Variants in SAMD5 observed in about 807,000 individuals in gnomAD.
SAMD5 encodes sterile alpha motif domain-containing protein 5.
A neutral mutation model predicts 11.3 loss-of-function variants in SAMD5; 13 were observed. The ratio of observed to expected loss-of-function variants is 1.15; its 90% confidence interval spans 0.75 to 1.83. The LOEUF is 1.83. SAMD5 is among the 40% of genes most tolerant of loss of function. The probability of loss-of-function intolerance (pLI) is 0.00; values close to 1 mark genes in which losing one functional copy is unlikely to be tolerated. For missense variants in SAMD5, 255 were observed against 239.1 expected, an observed-to-expected ratio of 1.07 and a Z score of -0.44; for synonymous variants, 129 against 111.3, an observed-to-expected ratio of 1.16 and a Z score of -1.00.
Position 147,711,792 on chromosome 6 carries a change from C to T in SAMD5, c.163-25525C>T, listed in dbSNP as rs372820648. ...TCCTTACATCATGGAGTGTCATGTG[C>T]GTAAGTACACTTAATTAGATACTCT... On this transcript the variant is annotated intron_variant, in intron 1 of 1. Coordinates refer to the SAMD5 transcript ENST00000566741. The surrounding 1 kb of genome is among the most constrained non-coding windows in gnomAD (Gnocchi z 4.1). Among the ~76,000 whole-genome samples the T allele has an allele frequency of 1.4e-4, 21 of 152,118 alleles. No individual in the cohort carries two copies. The highest frequency in any genetic ancestry group is 2.5e-4 in the Non-Finnish European group (17 of 68,022).
intron 1 of SAMD5, among the ~76,000 whole-genome samples, chr6:147,641,156 ATTC>A (rs748569501): frequency 2.6e-5 from 4 of 152,166 alleles, no homozygotes; most frequent in Non-Finnish European, 5.9e-5. Context: ...CAATCTCTAA[ATTC>A]TTCTTCATAT....
chr6:147,739,799 T>C (rs140374004), downstream of SAMD5, among the ~76,000 whole-genome samples: 504 of 152,214 alleles, frequency 3.3e-3, 2 homozygotes, highest in African/African-American at 0.011. Flanking sequence ...CTTGTTAATT[T>C]TATTTGTATT....
chr6:147,817,333 C>G, the SAMD5 span, among the ~76,000 whole-genome samples: 2 of 152,230 alleles, frequency 1.3e-5, no homozygotes, highest in South Asian at 2.1e-4. Context: ...CAGGCTCAAG[C>G]AAGCTATTTT....
In SAMD5 at chr6:147,563,703, A is replaced by G. The variant is rs372590000; in HGVS notation, c.460-691A>G. On this transcript the variant is annotated intron_variant, in intron 1 of 1. Transcript: ENST00000367474. ...TGTCAACACCTATCAGAGCTTGGAG[A>G]TAATTAGTGTAATATAAACCCAAGA... 9.8e-5 allele frequency among the ~76,000 whole-genome samples: 15 copies of G among 152,346 alleles called. No homozygotes were observed. The South Asian group carries it at 3.1e-3, about 32-fold the overall frequency.
At position 147,596,941 on chromosome 6, in the gene SAMD5, G is replaced by A. The variant is rs546607648; in HGVS notation, c.162+87554G>A. Among the ~76,000 whole-genome samples, 314 of 152,218 alleles carry A rather than the reference G, an allele frequency of 2.1e-3. 1 individual carries two copies. Among genetic ancestry groups the A allele is most frequent in the African/African-American group, 7.1e-3 (295 of 41,530 alleles). ...CAGAGGAAATGGGTTACTTTTGGGG[G>A]CCATGTGCTTTAAGTTTCAGATAAA... On this transcript the variant is annotated intron_variant, in intron 1 of 1. Transcript: ENST00000566741.
chr6:147,942,790 A>C, the SAMD5 span, among the ~76,000 whole-genome samples: 1 of 150,724 alleles, frequency 6.6e-6, no homozygotes, highest in African/African-American at 2.4e-5. Context: ...AACAGGAAAA[A>C]TGTATGTAAT....
chr6:147,683,659 G>T (rs1243113289), intron 1 of SAMD5, among the ~76,000 whole-genome samples: 3 of 152,150 alleles, frequency 2.0e-5, no homozygotes, highest in African/African-American at 7.2e-5. Context: ...GTGAGTGCAT[G>T]GCAGAGAAGC....
At chr6:147,942,041 T>C in the SAMD5 span, among the ~76,000 whole-genome samples, 1 of 151,962 alleles carries the variant, frequency 6.6e-6, no homozygotes, top group Non-Finnish European at 1.5e-5. Context: ...GCCTGGCTAA[T>C]TTTTGTATTT....
chr6:147,780,487 C>T, the SAMD5 span, among the ~76,000 whole-genome samples: 22 of 152,232 alleles, frequency 1.4e-4, no homozygotes, highest in Non-Finnish European at 2.6e-4. Flanking sequence ...GGATTACAGG[C>T]GTGAGCCACT....
At chr6:147,559,063 A>G (rs1007683578) in intron 1 of SAMD5, among the ~76,000 whole-genome samples, 1 of 152,210 alleles carries the variant, frequency 6.6e-6, no homozygotes, top group Non-Finnish European at 1.5e-5. Context: ...TTGAAAGTAC[A>G]GTACAGAATT....
At chr6:147,606,063 A>G (rs527865374) in intron 1 of SAMD5, among the ~76,000 whole-genome samples, 2 of 152,274 alleles carry the variant, frequency 1.3e-5, no homozygotes, top group South Asian at 4.2e-4. Context: ...TTGATCCCAC[A>G]GACAGAATTA....
chr6:147,547,060 C>T (rs1001619176), intron 1 of SAMD5, among the ~76,000 whole-genome samples: 1 of 152,208 alleles, frequency 6.6e-6, no homozygotes, highest in African/African-American at 2.4e-5. Context: ...GACCTCCTCC[C>T]TCTTTCCCCT....
At chr6:147,608,559 G>A (rs1434021791) in intron 1 of SAMD5, among the ~76,000 whole-genome samples, 4 of 152,148 alleles carry the variant, frequency 2.6e-5, no homozygotes, top group Non-Finnish European at 4.4e-5. Context: ...AACACCACAT[G>A]TTCTCACTTA....
intron 1 of SAMD5, among the ~76,000 whole-genome samples, chr6:147,522,574 T>C (rs1037774570): frequency 7.9e-5 from 12 of 152,218 alleles, no homozygotes; most frequent in Non-Finnish European, 1.8e-4. Flanking sequence ...ACTATAGCTT[T>C]TAAAGAAAGC....
At chr6:147,797,897 T>C in the SAMD5 span, among the ~76,000 whole-genome samples, 2 of 151,264 alleles carry the variant, frequency 1.3e-5, no homozygotes, top group Admixed American at 1.3e-4. Flanking sequence ...TGTATTTCTG[T>C]GGGATCGGTG....
Position 147,511,736 on chromosome 6 carries a change from G to A in SAMD5, c.459+2349G>A, listed in dbSNP as rs539494276. ...AATTAATATACATATATAGCAAACT[G>A]AGCATACAAATGTTTAGTACCAGAT... On this transcript the variant is annotated intron_variant, in intron 1 of 1. Transcript: ENST00000367474. Among the ~76,000 whole-genome samples, 3 of 152,118 alleles carry A rather than the reference G, an allele frequency of 2.0e-5. No homozygotes were observed. In the East Asian group the frequency reaches 5.8e-4, roughly 29 times the overall value.
the SAMD5 span, among the ~76,000 whole-genome samples, chr6:147,784,399 C>CCT: frequency 6.6e-6 from 1 of 152,124 alleles, no homozygotes; most frequent in African/African-American, 2.4e-5. Context: ...TTCTGACCCA[C>CCT]TTATGGCTTT....
At chr6:147,928,255 A>C in the SAMD5 span, among the ~76,000 whole-genome samples, 1 of 152,148 alleles carries the variant, frequency 6.6e-6, no homozygotes, top group East Asian at 1.9e-4. Context: ...TTCTTTGTAC[A>C]TCTGGTAGAA....
downstream of SAMD5, chr6:147,737,569 A>G (rs907036544): frequency 1.9e-5 from 4 of 215,226 alleles, no homozygotes; most frequent in Admixed American, 2.1e-4. Context: ...TATTTGTTTC[A>G]GTACATATCC....
Sources: gnomAD v4.1 joint callset for allele counts (sites outside exome capture counted in the v4.1 genomes callset) on GRCh38, gnomAD v4.1.1 for gene constraint, Gnocchi (gnomAD v3.1) non-coding constraint, MANE v1.5 for transcripts, NCBI Gene and HGNC (gene_info 2026-07-23, HGNC 2026-07-21) for gene names.